VPS26A: variants seen among roughly 807,000 people sequenced by gnomAD.
VPS26A encodes the protein VPS26 retromer complex component A, also known as vacuolar protein sorting-associated protein 26A.
Under a neutral mutation model 42.4 loss-of-function variants are expected in VPS26A, and 22 were observed. That is an observed-to-expected ratio of 0.52 (90% CI 0.37 to 0.74). The LOEUF (loss-of-function observed/expected upper bound fraction) is 0.74, where lower values mean the gene tolerates loss of function less well. Ranked by LOEUF, VPS26A falls within the 30% of genes least tolerant of loss-of-function variation. The pLI is 0.00. For synonymous variants in VPS26A, 110 were observed against 123.5 expected, an observed-to-expected ratio of 0.89 and a Z score of 0.73; for missense variants, 276 against 379.2, an observed-to-expected ratio of 0.73 and a Z score of 2.26.
intron 2 of VPS26A, among the ~76,000 whole-genome samples, chr10:69,134,681 A>C (rs1339378284): frequency 6.8e-6 from 1 of 146,894 alleles, no homozygotes. Flanking sequence ...TTTTTTTTGT[A>C]CTGCATTGTC....
At chr10:69,153,981 A>G (rs1383749244) in intron 2 of VPS26A, among the ~76,000 whole-genome samples, 5 of 152,176 alleles carry the variant, frequency 3.3e-5, no homozygotes, top group African/African-American at 1.2e-4. Flanking sequence ...GGAACCCGGT[A>G]GGATTGTAAA....
At chr10:69,143,002 G>A (rs1362172549) in intron 2 of VPS26A, among the ~76,000 whole-genome samples, 1 of 152,138 alleles carries the variant, frequency 6.6e-6, no homozygotes, top group Non-Finnish European at 1.5e-5. Context: ...ATAAAATGGG[G>A]TAGAAAGTTT....
intron 2 of VPS26A, among the ~76,000 whole-genome samples, chr10:69,154,913 A>G (rs1841399624): frequency 6.6e-6 from 1 of 152,150 alleles, no homozygotes; most frequent in Non-Finnish European, 1.5e-5. Flanking sequence ...GCACATATAT[A>G]TATTTTTTTT....
intron 1 of VPS26A, among the ~76,000 whole-genome samples, chr10:69,127,551 T>C (rs1840687680): frequency 6.9e-6 from 1 of 143,924 alleles, no homozygotes; most frequent in African/African-American, 2.6e-5. Flanking sequence ...AGACTCCATC[T>C]CAAAAAAAAA....
At position 69,171,300 on chromosome 10, in the gene VPS26A, A is replaced by C; in HGVS notation, c.*31A>C. On this transcript the variant is annotated 3_prime_UTR_variant, in exon 9 of 9. Coordinates refer to ENST00000263559, the MANE Select transcript of VPS26A (RefSeq NM_004896.5). ...ACAGGAGAAAAAAAGAAAAGCAAAA[A>C]ACTCCTGTAACCCTTGAGATTAAGT... is the stretch of plus-strand genomic sequence containing the variant. 6.3e-7 allele frequency: 1 copy of C among 1,580,158 alleles called. No homozygotes were observed. The highest frequency in any genetic ancestry group is 8.6e-7 in the Non-Finnish European group (1 of 1,160,014).
intron 2 of VPS26A, among the ~76,000 whole-genome samples, chr10:69,151,566 A>G (rs1456744773): frequency 6.6e-6 from 1 of 152,166 alleles, no homozygotes; most frequent in Non-Finnish European, 1.5e-5. Flanking sequence ...TATGCCTTCA[A>G]ATTCTGGGAT....
intron 2 of VPS26A, among the ~76,000 whole-genome samples, chr10:69,149,259 T>C (rs1841235885): frequency 1.3e-5 from 2 of 152,172 alleles, no homozygotes; most frequent in Non-Finnish European, 2.9e-5. Flanking sequence ...CTTCCTAATA[T>C]GATGCATTGA....
chr10:69,124,379 G>A lies in VPS26A; in HGVS notation c.3+99G>A, dbSNP rs906223225. 44 of 1,181,616 alleles carry A rather than the reference G, an allele frequency of 3.7e-5. No individual in the cohort carries two copies. In the East Asian group the frequency reaches 1.3e-3, roughly 36 times the overall value. The allele number at this position is 1,181,616 out of a possible 1,614,324, so 73.2% of individuals were successfully genotyped here. ...GCCGGGCGTCGCCGGAGGAGGGGAC[G>A]GGGGAGCAGGGCGGGGAGCGGGGTT... On this transcript the variant is annotated intron_variant, in intron 1 of 8. Transcript: ENST00000263559.
chr10:69,125,183 CTTGA>C (rs1840623598), intron 1 of VPS26A, among the ~76,000 whole-genome samples: 2 of 152,146 alleles, frequency 1.3e-5, no homozygotes, highest in Admixed American at 6.5e-5. Flanking sequence ...CAATAGACTG[CTTGA>C]GACTTTTGGC....
intron 5 of VPS26A, among the ~76,000 whole-genome samples, chr10:69,160,209 G>T (rs575324847): frequency 6.6e-6 from 1 of 151,904 alleles, no homozygotes; most frequent in Non-Finnish European, 1.5e-5. Context: ...GCCCAGGCTG[G>T]AGTGCAATGG....
chr10:69,168,416 G>C, intron 7 of VPS26A, 73 bp from the exon 8 acceptor site: 1 of 1,492,678 alleles, frequency 6.7e-7, no homozygotes, highest in South Asian at 1.3e-5. Flanking sequence ...CAACTCTATA[G>C]TGCTTAGTCC....
Position 69,173,286 on chromosome 10 carries a change from G to A in VPS26A, c.*2017G>A, listed in dbSNP as rs746748643. ...AGAAGCTTTTAAAATAACCAGGCCC[G>A]GGTCCTACTCTGACCAATAAAATAA... On this transcript the variant is annotated 3_prime_UTR_variant, in exon 9 of 9. Transcript: ENST00000263559. 7.2e-5 allele frequency among the ~76,000 whole-genome samples: 11 copies of A among 152,094 alleles called. No individual in the cohort carries two copies. The highest frequency in any genetic ancestry group is 1.5e-4 in the Non-Finnish European group (10 of 68,028).
At chr10:69,167,768 A>G (rs765342509) in intron 7 of VPS26A, among the ~76,000 whole-genome samples, 8 of 149,416 alleles carry the variant, frequency 5.4e-5, no homozygotes, top group Admixed American at 6.7e-5. Context: ...AAAAAAAAGA[A>G]TATGCAAAGA....
chr10:69,133,474 T>C lies in VPS26A; in HGVS notation c.153+427T>C, dbSNP rs1428342291. On this transcript the variant is annotated intron_variant, in intron 2 of 8. Coordinates refer to ENST00000263559, the MANE Select transcript of VPS26A (RefSeq NM_004896.5). Reference sequence around the variant, plus strand: ...ATAACTTTCTAAAGGTTTTTTTACATTCTTTGTAACTTACCTCTCTGTACT... The same window carrying C: ...ATAACTTTCTAAAGGTTTTTTTACACTCTTTGTAACTTACCTCTCTGTACT... The C allele has an allele frequency of 1.5e-5, 15 of 1,007,238 alleles. No homozygotes were observed. In the East Asian group the frequency reaches 8.8e-4, roughly 59 times the overall value. 62.4% of individuals were successfully genotyped at this position (1,007,238 alleles called of 1,614,324 possible). A position where few individuals can be genotyped will look rare whatever the true frequency, so the allele number is the denominator to read the frequency against.
rs1192297497 is a variant in VPS26A at position 69,151,264 on chromosome 10, C to CAAAAAA, written c.154-4534_154-4529dup. Among the ~76,000 whole-genome samples the CAAAAAA allele has an allele frequency of 1.2e-3, 35 of 30,366 alleles. 1 individual carries two copies. Among genetic ancestry groups the CAAAAAA allele is most frequent in the Middle Eastern group, 0.018 (1 of 56 alleles). 19.9% of individuals were successfully genotyped at this position (30,366 alleles called of 152,430 possible). ...TGGGCAACAGAGTGAGACTCCATGTCAAAAAAAAAAAAAAAAAAACACACA... is the reference window on the plus strand; with the variant it reads ...TGGGCAACAGAGTGAGACTCCATGTCAAAAAAAAAAAAAAAAAAAAAAAAACACACA... On this transcript the variant is annotated intron_variant, in intron 2 of 8. Transcript: ENST00000263559.
intron 6 of VPS26A, 94 bp from the exon 7 acceptor site, chr10:69,165,946 TAA>T: frequency 1.7e-6 from 2 of 1,174,274 alleles, no homozygotes; most frequent in Non-Finnish European, 2.4e-6. Flanking sequence ...ACACCGTCTC[TAA>T]AAAAAAATAA....
At position 69,124,249 on chromosome 10, in the gene VPS26A, G is replaced by C. The variant is rs996102535; in HGVS notation, c.-29G>C. ...GTTCTCCTGAGGGAAGAGGAGTGGA[G>C]TAGGGGGGACGCGGCGGCGGCGTTG... On this transcript the variant is annotated 5_prime_UTR_variant, in exon 1 of 9. Transcript: ENST00000263559. 3.9e-6 allele frequency: 5 copies of C among 1,285,866 alleles called. No homozygotes were observed. The highest frequency in any genetic ancestry group is 2.5e-4 in the Middle Eastern group (1 of 3,980). 79.7% of individuals were successfully genotyped at this position (1,285,866 alleles called of 1,614,324 possible).
intron 8 of VPS26A, 83 bp from the exon 9 acceptor site, chr10:69,171,073 T>A: frequency 9.2e-7 from 1 of 1,087,894 alleles, no homozygotes; most frequent in Non-Finnish European, 1.3e-6. Context: ...AATTTTATTA[T>A]GGTTAAAATT....
intron 2 of VPS26A, among the ~76,000 whole-genome samples, chr10:69,153,097 G>A (rs1463632359): frequency 1.4e-5 from 2 of 145,746 alleles, no homozygotes; most frequent in Non-Finnish European, 3.0e-5. Flanking sequence ...GTCTTGCTCT[G>A]TTGCCCAGGC....
Sources: gnomAD v4.1 joint callset for allele counts (sites outside exome capture counted in the v4.1 genomes callset) on GRCh38, gnomAD v4.1.1 for gene constraint, MANE v1.5 for transcripts, NCBI Gene and HGNC (gene_info 2026-07-23, HGNC 2026-07-21) for gene names.